The following LIPI variants were observed in gnomAD, a reference collection of about 807,000 sequenced individuals.
LIPI encodes lipase member I.
A neutral mutation model predicts 50.6 loss-of-function variants in LIPI; 59 were observed. That is an observed-to-expected ratio of 1.16 (90% CI 0.94 to 1.45). LIPI has a LOEUF of 1.45. LIPI is among the 40% of genes most tolerant of loss of function. LIPI has a pLI of 0.00. For missense variants in LIPI, 586 were observed against 536.3 expected, an observed-to-expected ratio of 1.09 and a Z score of -0.92; for synonymous variants, 203 against 178.2, an observed-to-expected ratio of 1.14 and a Z score of -1.11.
In LIPI at chr21:14,165,321, C is replaced by T. The variant is rs368083729; in HGVS notation, c.803G>A (p.Cys268Tyr). 5 of 1,610,610 alleles carry T rather than the reference C, an allele frequency of 3.1e-6. No individual in the cohort carries two copies. In the African/African-American group the frequency reaches 6.7e-5, roughly 22 times the overall value. Residue 268 changes from cysteine (C) to tyrosine (Y), a missense_variant, in exon 6 of 10, where the codon TGC becomes TAC. Physicochemically the swap from Cys to Tyr is radical, Grantham distance 194. Transcript: ENST00000681601. ...ACGACAAGGAAATGAAATAAAATTG[C>T]AGTTTGTTTCTAAAGATGCCATGAA... is the stretch of plus-strand genomic sequence containing the variant. ...HLFMASLETN[C>Y]NFISFPCRSY... is the part of the protein sequence containing the mutation.
chr21:14,208,433 T>G (rs118511), intron 1 of LIPI, among the ~76,000 whole-genome samples: 1 of 152,110 alleles, frequency 6.6e-6, no homozygotes, highest in Non-Finnish European at 1.5e-5. Context: ...AGCTGAATTA[T>G]TCTACCTTTA....
chr21:14,124,703 C>T (rs970226811), intron 9 of LIPI, among the ~76,000 whole-genome samples: 2 of 152,210 alleles, frequency 1.3e-5, no homozygotes, highest in African/African-American at 4.8e-5. Context: ...TTGTCCGGGG[C>T]TCAGACTTTT....
chr21:14,204,624 A>T (rs189961343), intron 1 of LIPI, among the ~76,000 whole-genome samples: 52 of 152,156 alleles, frequency 3.4e-4, no homozygotes, highest in Non-Finnish European at 6.0e-4. Flanking sequence ...CCTGTGAAAC[A>T]GAACCAAAAA....
At chr21:14,161,583 T>C (rs544034367) in intron 7 of LIPI, among the ~76,000 whole-genome samples, 1 of 116,338 alleles carries the variant, frequency 8.6e-6, no homozygotes, top group Non-Finnish European at 1.6e-5. Context: ...ATATATAATA[T>C]ATATCTATAT....
At chr21:14,117,399 T>C (rs1269699265) in intron 9 of LIPI, among the ~76,000 whole-genome samples, 2 of 152,268 alleles carry the variant, frequency 1.3e-5, no homozygotes, top group East Asian at 1.9e-4. Context: ...AAGTGGCTAA[T>C]CAGTGGCTAG....
intron 9 of LIPI, among the ~76,000 whole-genome samples, chr21:14,115,849 C>A (rs747992116): frequency 6.6e-6 from 1 of 152,140 alleles, no homozygotes; most frequent in Non-Finnish European, 1.5e-5. Flanking sequence ...TTATCCAACC[C>A]AGAGTAGCTG....
Position 14,166,387 on chromosome 21 carries a change from A to C in LIPI, c.708T>G (p.Pro236=), listed in dbSNP as rs1164985207. 6.2e-7 allele frequency: 1 copy of C among 1,602,528 alleles called. No individual in the cohort carries two copies. The highest frequency in any genetic ancestry group is 1.1e-5 in the South Asian group (1 of 90,834). ...CTGAGAAAATTGATTTAGGACAGCC[A>C]GGTTGTTTATTTCCTCCATTTGGAT... is the stretch of plus-strand genomic sequence containing the variant. The part of the protein sequence containing the change: ...DFYPNGGNKQ[P]GCPKSIFSGI... Residue 236 remains proline, a synonymous_variant, in exon 5 of 10, where the codon CCT becomes CCG. Transcript: ENST00000681601.
chr21:14,145,450 C>T (rs141264740), intron 8 of LIPI, among the ~76,000 whole-genome samples: 31 of 152,184 alleles, frequency 2.0e-4, no homozygotes, highest in African/African-American at 7.5e-4. Context: ...ATTTCTCATC[C>T]CTATGTGCCA....
At chr21:14,197,952 T>G (rs1017212652) in intron 1 of LIPI, among the ~76,000 whole-genome samples, 1 of 152,036 alleles carries the variant, frequency 6.6e-6, no homozygotes, top group Non-Finnish European at 1.5e-5. Flanking sequence ...CAGAACAGAT[T>G]GGGAGCCAAT....
At chr21:14,121,305 C>G (rs968389924) in intron 9 of LIPI, among the ~76,000 whole-genome samples, 10 of 152,134 alleles carry the variant, frequency 6.6e-5, no homozygotes, top group Non-Finnish European at 8.8e-5. Flanking sequence ...GAACAAGACA[C>G]CGAAACAACT....
intron 9 of LIPI, among the ~76,000 whole-genome samples, chr21:14,138,771 T>A (rs554437477): frequency 1.3e-5 from 2 of 152,252 alleles, no homozygotes; most frequent in South Asian, 4.1e-4. Flanking sequence ...GCATTGTTAA[T>A]CAAATTGTAA....
Position 14,181,763 on chromosome 21 carries a change from G to C in LIPI, c.638C>G (p.Ser213Cys). Residue 213 changes from serine (S) to cysteine (C), a missense_variant, in exon 4 of 10, where the codon TCC (serine) becomes TGC (cysteine). Coordinates refer to ENST00000681601, the MANE Select transcript of LIPI (RefSeq NM_001302998.2). ...AKFVDVIHSDSNGLGIQEPLG... is the reference protein window; with the variant it reads ...AKFVDVIHSDCNGLGIQEPLG... Reference sequence around the variant, plus strand: ...AATAAATCCTGATTTGTTACCATTGGAGTCAGAATGGATGACATCCACAAA... The same window carrying C: ...AATAAATCCTGATTTGTTACCATTGCAGTCAGAATGGATGACATCCACAAA... 1 of 1,580,370 alleles carries C rather than the reference G, an allele frequency of 6.3e-7. No individual in the cohort carries two copies. The highest frequency in any genetic ancestry group is 1.1e-5 in the South Asian group (1 of 90,306).
At chr21:14,160,649 C>T (rs577987993) in intron 7 of LIPI, among the ~76,000 whole-genome samples, 37 of 151,352 alleles carry the variant, frequency 2.4e-4, no homozygotes, top group African/African-American at 8.5e-4. Flanking sequence ...ATCAATTACT[C>T]CTCATCAAAA....
At chr21:14,113,765 G>A (rs2016508186) in intron 9 of LIPI, among the ~76,000 whole-genome samples, 2 of 152,182 alleles carry the variant, frequency 1.3e-5, no homozygotes, top group Admixed American at 6.5e-5. Context: ...GGAAAGAGGT[G>A]TAATTGACTC....
chr21:14,207,422 G>A (rs2020254905), intron 1 of LIPI, among the ~76,000 whole-genome samples: 1 of 151,922 alleles, frequency 6.6e-6, no homozygotes, highest in South Asian at 2.1e-4. Context: ...AGAAATAATA[G>A]GCACAACTAT....
At chr21:14,188,519 G>T (rs923246129) in intron 2 of LIPI, among the ~76,000 whole-genome samples, 37 of 128,848 alleles carry the variant, frequency 2.9e-4, no homozygotes, top group African/African-American at 1.0e-3. Flanking sequence ...AGTGAGCCAA[G>T]ATCGTGCCAC....
At chr21:14,172,431 G>A (rs2018947276) in intron 4 of LIPI, among the ~76,000 whole-genome samples, 1 of 152,058 alleles carries the variant, frequency 6.6e-6, no homozygotes, top group African/African-American at 2.4e-5. Context: ...GTTTATTGCA[G>A]CACTATTCAC....
At chr21:14,186,208 T>A in intron 2 of LIPI, 139 bp from the exon 3 acceptor site, 2 of 636,694 alleles carry the variant, frequency 3.1e-6, no homozygotes, top group South Asian at 3.6e-5. Flanking sequence ...AGAGACTTTA[T>A]AATTTCAAGA....
At chr21:14,188,959 GT>G (rs1385915599) in intron 2 of LIPI, 74 bp downstream of exon 2, 2 of 1,213,398 alleles carry the variant, frequency 1.6e-6, no homozygotes, top group Non-Finnish European at 2.4e-6. Flanking sequence ...GGTATTGAAT[GT>G]AACACACTGC....
Sources: gnomAD v4.1 joint callset for allele counts (sites outside exome capture counted in the v4.1 genomes callset) on GRCh38, gnomAD v4.1.1 for gene constraint, MANE v1.5 for transcripts, NCBI Gene and HGNC (gene_info 2026-07-23, HGNC 2026-07-21) for gene names.